The following PTPN7 variants were observed in gnomAD, a reference collection of about 807,000 sequenced individuals.
PTPN7 encodes the protein tyrosine-protein phosphatase non-receptor type 7.
PTPN7 carries 33 observed loss-of-function variants against 50.3 expected under a neutral mutation model. The ratio of observed to expected loss-of-function variants is 0.66; its 90% CI spans 0.50 to 0.88. The LOEUF is 0.88. PTPN7 is among the 40% of genes least tolerant of loss of function. The pLI, the probability that PTPN7 is intolerant of heterozygous loss-of-function variation, is 0.00. For synonymous variants in PTPN7, 185 were observed against 186.6 expected (o/e 0.99, Z 0.07); for missense variants, 412 against 475.4 (o/e 0.87, Z 1.24).
intron 4 of PTPN7, among the ~76,000 whole-genome samples, chr1:202,157,275 C>T (rs770890517): frequency 6.6e-6 from 1 of 152,108 alleles, no homozygotes; most frequent in Non-Finnish European, 1.5e-5. Context: ...TTTGGGAGGC[C>T]GAGGTGGGCG....
At chr1:202,150,163 G>A in intron 9 of PTPN7, 148 bp downstream of exon 9, 1 of 650,992 alleles carries the variant, frequency 1.5e-6, no homozygotes, top group Non-Finnish European at 2.7e-6. Flanking sequence ...CTGGTTGTTA[G>A]TTGTAAAATA....
At position 202,154,298 on chromosome 1, in the gene PTPN7, T is replaced by C; in HGVS notation, c.494A>G (p.Tyr165Cys). The C allele has an allele frequency of 6.2e-7, 1 of 1,613,854 alleles. No individual in the cohort carries two copies. Among genetic ancestry groups the C allele is most frequent in the Non-Finnish European group, 8.5e-7 (1 of 1,179,908 alleles). Residue 165 changes from tyrosine (Y) to cysteine (C), a missense_variant, in exon 6 of 10, where the codon TAC becomes TGC. Tyr to Cys is a radical substitution (Grantham distance 194, BLOSUM62 -2). Coordinates refer to ENST00000691036, the MANE Select transcript of PTPN7 (RefSeq NM_002832.4). Reference sequence around the variant, plus strand: ...GGGCATGGGGCCCTGGGTGGCAATGTAGACCTTCTCCTTCCCGTCATAGCC... The same window carrying C: ...GGGCATGGGGCCCTGGGTGGCAATGCAGACCTTCTCCTTCCCGTCATAGCC... ...IRGYDGKEKV[Y>C]IATQGPMPNT... is the part of the protein sequence containing the mutation.
At position 202,152,655 on chromosome 1, in the gene PTPN7, G is replaced by A. The variant is rs1383203359; in HGVS notation, c.762C>T (p.Ala254=). The A allele has an allele frequency of 1.9e-6, 3 of 1,614,106 alleles. No individual in the cohort carries two copies. Among genetic ancestry groups the A allele is most frequent in the Non-Finnish European group, 2.5e-6 (3 of 1,180,032 alleles). ...RRSVKHILFS[A]WPDHQTPESA... ...ATTCTGGTGTCTGATGGTCTGGCCA[G>A]GCCGAAAAGAGGATGTGCTTTACTG... Residue 254 remains alanine, a synonymous_variant, in exon 8 of 10, where the codon GCC becomes GCT. Transcript: ENST00000691036.
chr1:202,149,400 A>G (rs1349826803), intron 9 of PTPN7, among the ~76,000 whole-genome samples: 1 of 152,206 alleles, frequency 6.6e-6, no homozygotes. Flanking sequence ...ATGATTCCAT[A>G]CATTTGTATA....
upstream of PTPN7, chr1:202,161,546 G>A (rs1401765820): frequency 7.8e-7 from 1 of 1,287,948 alleles, no homozygotes; most frequent in Admixed American, 2.3e-5. Context: ...CGGGCCAGCA[G>A]CCCAGCCGGT....
chr1:202,151,538 A>G (rs1197881253), intron 8 of PTPN7, among the ~76,000 whole-genome samples: 1 of 151,790 alleles, frequency 6.6e-6, no homozygotes, highest in Non-Finnish European at 1.5e-5. Flanking sequence ...TTTTTTTGAG[A>G]CAGAGTTTTG....
upstream of PTPN7, chr1:202,161,122 G>A: frequency 8.0e-7 from 1 of 1,257,090 alleles, no homozygotes; most frequent in Non-Finnish European, 1.0e-6. Context: ...AGCAGATGTG[G>A]CACAGACTCG....
chr1:202,161,098 C>A, upstream of PTPN7: 2 of 1,321,500 alleles, frequency 1.5e-6, no homozygotes, highest in East Asian at 5.8e-5. Context: ...CAAGCACAGA[C>A]CACATCTTCC....
At chr1:202,161,332 C>G (rs1571772461), upstream of PTPN7, 1 of 1,187,106 alleles carries the variant, frequency 8.4e-7, no homozygotes, top group East Asian at 5.9e-5. Context: ...CCCCTGGGCC[C>G]TCAGCCCCCT....
intron 9 of PTPN7, among the ~76,000 whole-genome samples, chr1:202,149,237 G>A (rs910486562): frequency 2.0e-5 from 3 of 151,986 alleles, no homozygotes; most frequent in African/African-American, 4.8e-5. Context: ...CCCCTTACAC[G>A]TGCTGAGGGG....
rs146655076 is a variant in PTPN7, at chr1:202,157,605, C to T, written c.391+134G>A. Reference sequence around the variant, plus strand: ...CTGTTGTGATTCTTGCTCCTTCTTCCCCCTTTCTCTGCTGAGAGAAGATGT... The same window carrying T: ...CTGTTGTGATTCTTGCTCCTTCTTCTCCCTTTCTCTGCTGAGAGAAGATGT... On this transcript the variant is annotated intron_variant, in intron 4 of 9. Transcript: ENST00000691036. 3.5e-4 allele frequency: 261 copies of T among 749,178 alleles called. 2 individuals carry two copies. In the African/African-American group the frequency reaches 4.2e-3, roughly 12 times the overall value. 46.4% of individuals were successfully genotyped at this position (749,178 alleles called of 1,614,324 possible). A position where few individuals can be genotyped will look rare whatever the true frequency, so the allele number is the denominator to read the frequency against.
In PTPN7 at chr1:202,160,403, T is replaced by C. The variant is rs12082645; in HGVS notation, c.-53+142A>G. 0.045 allele frequency: 37,693 copies of C among 844,680 alleles called. 3,335 individuals carry two copies. Among genetic ancestry groups the C allele is most frequent in the African/African-American group, 0.25 (14,789 of 58,378 alleles). The allele number at this position is 844,680 out of a possible 1,614,324, so 52.3% of individuals were successfully genotyped here. On this transcript the variant is annotated intron_variant, in intron 1 of 9. Transcript: ENST00000691036. The surrounding 1 kb of genome is among the most constrained non-coding windows in gnomAD (Gnocchi z 4.8). ...TCACCCCCGTCTTGGGGACATCAGG[T>C]CTGTGAGCACCCATACCCCAGCCAG...
chr1:202,150,183 A>G, intron 9 of PTPN7, 128 bp downstream of exon 9: 1 of 743,766 alleles, frequency 1.3e-6, no homozygotes, highest in East Asian at 2.7e-5. Flanking sequence ...AAACAGCTCT[A>G]AGCAGAAAGG....
rs774234274 is a variant in PTPN7 at position 202,152,624 on chromosome 1, C to T, written c.793G>A (p.Gly265Arg). The change falls in exon 8 of 10, where the codon GGG becomes AGG. Residue 265 changes from glycine (G) to arginine (R), a missense_variant. By Grantham distance (125) the Gly-to-Arg change is moderately radical. Coordinates refer to ENST00000691036, the MANE Select transcript of PTPN7 (RefSeq NM_002832.4). The stretch of plus-strand genomic sequence containing the variant: ...TCTGCCACTAGGCGCAGCAGGGGCC[C>T]AGCTGATTCTGGTGTCTGATGGTCT... Reference protein sequence around the residue: ...WPDHQTPESAGPLLRLVAEVE... With the variant: ...WPDHQTPESARPLLRLVAEVE... 7.4e-6 allele frequency: 12 copies of T among 1,614,028 alleles called. No homozygotes were observed. The highest frequency in any genetic ancestry group is 9.3e-6 in the Non-Finnish European group (11 of 1,180,024).
upstream of PTPN7, chr1:202,161,439 G>A (rs1399757018): frequency 5.4e-6 from 7 of 1,289,530 alleles, no homozygotes; most frequent in South Asian, 3.7e-5. Flanking sequence ...TGTCCTCTTC[G>A]CTGCTGGGGT....
In PTPN7 at chr1:202,158,300, G is replaced by C; in HGVS notation, c.124C>G (p.Arg42Gly). The change falls in exon 3 of 10, where the codon CGG (arginine) becomes GGG (glycine). Residue 42 changes from arginine to glycine, a missense_variant and splice_region_variant. Physicochemically the swap from Arg to Gly is moderately radical, Grantham distance 125. Coordinates refer to ENST00000691036, the MANE Select transcript of PTPN7 (RefSeq NM_002832.4). ...AGCATCAGAGCCACATTGGAGCCCCGCCTGCAGGCATAGCCCACCACTGCC... is the reference window on the plus strand; with the variant it reads ...AGCATCAGAGCCACATTGGAGCCCCCCCTGCAGGCATAGCCCACCACTGCC... ...AKKHVRLQER[R>G]GSNVALMLDV... 1 of 1,613,800 alleles carries C rather than the reference G, an allele frequency of 6.2e-7. No individual in the cohort carries two copies. Among genetic ancestry groups the C allele is most frequent in the Non-Finnish European group, 8.5e-7 (1 of 1,179,882 alleles).
At position 202,159,436 on chromosome 1, in the gene PTPN7, A is replaced by G. The variant is rs368275270; in HGVS notation, c.-34T>C. The G allele has an allele frequency of 1.2e-6, 2 of 1,613,808 alleles. No homozygotes were observed. The highest frequency in any genetic ancestry group is 1.6e-4 in the Middle Eastern group (1 of 6,080). ...GGGGTGCTGGGCCCAGGGGAGGCTC[A>G]CTCAGCCATGAGGTCTGCCTGAAAG... On this transcript the variant is annotated 5_prime_UTR_variant, in exon 2 of 10. It removes the in-frame stop codon of an upstream open reading frame in the 5' UTR. Coordinates refer to ENST00000691036, the MANE Select transcript of PTPN7 (RefSeq NM_002832.4). This position sits in a 1 kb window ranked among gnomAD's most constrained non-coding sequence, Gnocchi z 4.6.
chr1:202,152,861 C>A (rs1451062390), intron 7 of PTPN7, among the ~76,000 whole-genome samples, 162 bp from the exon 8 acceptor site: 1 of 152,216 alleles, frequency 6.6e-6, no homozygotes, highest in Admixed American at 6.5e-5. Flanking sequence ...TTCTCCACCA[C>A]TTCCCCCTTC....
chr1:202,149,649 GA>G lies in PTPN7; in HGVS notation c.989+661del, dbSNP rs111664606. 4.0e-3 allele frequency among the ~76,000 whole-genome samples: 598 copies of G among 149,734 alleles called. 5 individuals are homozygous for G. The highest frequency in any genetic ancestry group is 0.013 in the African/African-American group (537 of 40,776). On this transcript the variant is annotated intron_variant, in intron 9 of 9. Transcript: ENST00000691036. ...TCTCTATTATTAAAAAAAGAAGAAA[GA>G]AAAAAAAAGAAATGGGGGCTCAGAG...
Sources: allele counts gnomAD v4.1 joint callset (sites outside exome capture counted in the v4.1 genomes callset), GRCh38; gene constraint gnomAD v4.1.1; non-coding constraint Gnocchi (gnomAD v3.1); transcripts MANE v1.5; gene names NCBI Gene and HGNC (gene_info 2026-07-23, HGNC 2026-07-21).